Variants in WWOX observed in about 807,000 individuals in gnomAD.
The protein encoded by WWOX is WW domain containing oxidoreductase, also known as WW domain-containing oxidoreductase.
WWOX carries 69 observed loss-of-function variants against 46.2 expected under a neutral mutation model. The ratio of observed to expected loss-of-function variants is 1.49; its 90% CI spans 1.23 to 1.82. WWOX has a LOEUF of 1.82. Among genes scored for constraint, WWOX ranks in the 40% most tolerant of loss-of-function variants. WWOX has a pLI of 0.00. For missense variants in WWOX, 919 were observed against 542.6 expected (o/e 1.69, Z -6.89); for synonymous variants, 359 against 202.6 (o/e 1.77, Z -6.56).
intron 8 of WWOX, among the ~76,000 whole-genome samples, chr16:79,037,881 T>C (rs1044907454): frequency 2.0e-5 from 3 of 152,128 alleles, no homozygotes; most frequent in African/African-American, 7.2e-5. Flanking sequence ...ACTGTGCCAG[T>C]AGAAATGCCA....
chr16:78,261,342 G>A (rs75109509), intron 5 of WWOX, among the ~76,000 whole-genome samples: 17,909 of 150,646 alleles, frequency 0.12, 1,477 homozygotes, highest in Non-Finnish European at 0.15. Context: ...TACTTTTAAT[G>A]TATGGTAAGC....
intron 8 of WWOX, among the ~76,000 whole-genome samples, chr16:78,705,704 ACTTC>A (rs1296746835): frequency 3.9e-5 from 6 of 152,124 alleles, no homozygotes; most frequent in African/African-American, 1.2e-4. Context: ...TTGCTTTTTT[ACTTC>A]CTTTTCTATG....
At chr16:78,770,348 C>G (rs2050033783) in intron 8 of WWOX, among the ~76,000 whole-genome samples, 2 of 140,050 alleles carry the variant, frequency 1.4e-5, no homozygotes, top group South Asian at 2.4e-4. Context: ...GAGACTCTGT[C>G]TCAAACAAAA....
intron 8 of WWOX, among the ~76,000 whole-genome samples, chr16:78,741,132 C>A (rs1282920477): frequency 6.6e-6 from 1 of 152,146 alleles, no homozygotes; most frequent in Non-Finnish European, 1.5e-5. Context: ...TGCCTAGCGC[C>A]ACTTCACACT....
At chr16:78,995,087 T>A (rs947769579) in intron 8 of WWOX, among the ~76,000 whole-genome samples, 51 of 151,700 alleles carry the variant, frequency 3.4e-4, no homozygotes, top group African/African-American at 1.2e-3. Flanking sequence ...GCCGAGGAGT[T>A]CACTGTGCCC....
intron 8 of WWOX, among the ~76,000 whole-genome samples, chr16:79,192,412 A>G (rs1268485425): frequency 2.0e-5 from 3 of 152,142 alleles, no homozygotes; most frequent in African/African-American, 7.2e-5. Context: ...AGTGCCAAAT[A>G]CTGGGGAGAT....
chr16:78,906,108 G>A (rs999757595), intron 8 of WWOX, among the ~76,000 whole-genome samples: 21 of 152,208 alleles, frequency 1.4e-4, no homozygotes, highest in Admixed American at 1.4e-3. Flanking sequence ...AAACTGAGGA[G>A]TCTGAGGGGA....
intron 5 of WWOX, among the ~76,000 whole-genome samples, chr16:78,357,369 C>G (rs1348910690): frequency 1.3e-5 from 2 of 152,182 alleles, no homozygotes; most frequent in African/African-American, 4.8e-5. Flanking sequence ...GGAACCTGCA[C>G]TGTGCCATCT....
chr16:79,101,618 C>A (rs2049195416), intron 8 of WWOX: 1 of 151,998 alleles, frequency 6.6e-6, no homozygotes. Context: ...GGAAGTAGTC[C>A]TCTGAAATAC....
intron 8 of WWOX, among the ~76,000 whole-genome samples, chr16:78,594,411 G>A (rs933833812): frequency 3.1e-5 from 4 of 128,790 alleles, no homozygotes; most frequent in East Asian, 2.4e-4. Flanking sequence ...GAGTCTTGAC[G>A]AAGAAGACTG....
intron 8 of WWOX, among the ~76,000 whole-genome samples, chr16:78,454,591 C>T (rs1006605713): frequency 8.5e-5 from 13 of 152,128 alleles, no homozygotes; most frequent in Admixed American, 3.3e-4. Flanking sequence ...CCCCAAGCTC[C>T]GCTTCCCAGG....
At chr16:78,779,797 C>G (rs940942770) in intron 8 of WWOX, among the ~76,000 whole-genome samples, 1 of 152,066 alleles carries the variant, frequency 6.6e-6, no homozygotes, top group Non-Finnish European at 1.5e-5. Context: ...GACTGAGGCT[C>G]TCATTCTGTA....
intron 8 of WWOX, among the ~76,000 whole-genome samples, chr16:78,527,952 A>G (rs1246127263): frequency 6.7e-6 from 1 of 148,392 alleles, no homozygotes; most frequent in Non-Finnish European, 1.5e-5. Context: ...CCATTGTGCA[A>G]AGATTCAAGG....
chr16:78,453,568 A>G (rs1224283319), intron 8 of WWOX, among the ~76,000 whole-genome samples: 1 of 152,188 alleles, frequency 6.6e-6, no homozygotes, highest in Admixed American at 6.5e-5. Context: ...GCAGACAGGC[A>G]TATGCAGTTA....
chr16:78,920,633 G>T (rs1021349873), intron 8 of WWOX, among the ~76,000 whole-genome samples: 1 of 152,080 alleles, frequency 6.6e-6, no homozygotes, highest in Non-Finnish European at 1.5e-5. Flanking sequence ...TCCAGGTCAG[G>T]TACCTGACCT....
chr16:78,561,737 G>A (rs1355774127), intron 8 of WWOX, among the ~76,000 whole-genome samples: 2 of 152,172 alleles, frequency 1.3e-5, no homozygotes, highest in Admixed American at 6.5e-5. Context: ...GGAATCAGAG[G>A]TTTTATTACA....
chr16:78,121,568 T>G (rs1386511010), intron 4 of WWOX, among the ~76,000 whole-genome samples: 1 of 152,208 alleles, frequency 6.6e-6, no homozygotes, highest in Non-Finnish European at 1.5e-5. Flanking sequence ...TAATCTCATG[T>G]AAAATGCTTA....
chr16:78,806,956 C>T (rs1186169428), intron 8 of WWOX, among the ~76,000 whole-genome samples: 1 of 152,196 alleles, frequency 6.6e-6, no homozygotes, highest in African/African-American at 2.4e-5. Context: ...ACCTCTGCCT[C>T]TTACTAGCCA....
In WWOX at chr16:79,040,690, C is replaced by T. The variant is rs556158833; in HGVS notation, c.1057-170918C>T. Among the ~76,000 whole-genome samples, 12 of 152,238 alleles carry T rather than the reference C, an allele frequency of 7.9e-5. No individual in the cohort carries two copies. The East Asian group carries it at 2.1e-3, about 27-fold the overall frequency. On this transcript the variant is annotated intron_variant, in intron 8 of 8. Coordinates refer to ENST00000566780, the MANE Select transcript of WWOX (RefSeq NM_016373.4). ...CATCATCAACCCCTCCCCAGCTACCCTGCAAAAGAGTCACAGATCATTGGG... is the reference window on the plus strand; with the variant it reads ...CATCATCAACCCCTCCCCAGCTACCTTGCAAAAGAGTCACAGATCATTGGG...
Sources: allele counts gnomAD v4.1 joint callset (sites outside exome capture counted in the v4.1 genomes callset), GRCh38; gene constraint gnomAD v4.1.1; transcripts MANE v1.5; gene names NCBI Gene and HGNC (gene_info 2026-07-23, HGNC 2026-07-21).